PTBP3: variants seen among roughly 807,000 people sequenced by gnomAD.
The protein encoded by PTBP3 is polypyrimidine tract-binding protein 3.
PTBP3 carries 20 observed loss-of-function variants against 58.7 expected under a neutral mutation model. The ratio of observed to expected loss-of-function variants is 0.34; its 90% CI spans 0.24 to 0.50. PTBP3 has a LOEUF of 0.50. PTBP3 is among the 20% of genes least tolerant of loss of function. PTBP3 has a pLI of 0.98. For missense variants in PTBP3, 509 were observed against 637.2 expected (o/e 0.80, Z 2.17); for synonymous variants, 185 against 219.8 (o/e 0.84, Z 1.40).
chr9:112,355,141 A>G, the PTBP3 span, among the ~76,000 whole-genome samples: 3 of 152,206 alleles, frequency 2.0e-5, no homozygotes, highest in Non-Finnish European at 4.4e-5. Context: ...AATAATTCAG[A>G]CCTGAGAAAA....
At chr9:112,243,643 G>A (rs1199598787) in intron 7 of PTBP3, among the ~76,000 whole-genome samples, 3 of 152,154 alleles carry the variant, frequency 2.0e-5, no homozygotes, top group African/African-American at 7.2e-5. Context: ...GAATCCACGG[G>A]CAAATTACTG....
At chr9:112,264,814 A>G (rs540091213) in intron 4 of PTBP3, among the ~76,000 whole-genome samples, 14 of 152,316 alleles carry the variant, frequency 9.2e-5, no homozygotes, top group African/African-American at 3.4e-4. Flanking sequence ...TTGCCAAGCA[A>G]CTGGGATTTC....
intron 7 of PTBP3, among the ~76,000 whole-genome samples, chr9:112,240,584 C>G (rs144194984): frequency 2.7e-5 from 4 of 150,046 alleles, no homozygotes; most frequent in African/African-American, 9.8e-5. Context: ...ACATACTATA[C>G]TTTTATTATA....
At chr9:112,336,194 T>G (rs1265252650), upstream of PTBP3, among the ~76,000 whole-genome samples, 1 of 152,114 alleles carries the variant, frequency 6.6e-6, no homozygotes, top group Non-Finnish European at 1.5e-5. Flanking sequence ...ATTTCATAAT[T>G]TAACCTTTTC....
chr9:112,320,314 A>ATATATATTTTTTTT, intron 1 of PTBP3, among the ~76,000 whole-genome samples: 131 of 75,670 alleles, frequency 1.7e-3, no homozygotes, highest in Non-Finnish European at 2.6e-3. Flanking sequence ...ATATATATAT[A>ATATATATTTTTTTT]TTTTTTTTTA....
intron 12 of PTBP3, among the ~76,000 whole-genome samples, chr9:112,226,777 A>G (rs1353023784): frequency 6.6e-6 from 1 of 152,248 alleles, no homozygotes; most frequent in Non-Finnish European, 1.5e-5. Flanking sequence ...TGAATTTTAT[A>G]TAATTTTCTC....
intron 10 of PTBP3, among the ~76,000 whole-genome samples, chr9:112,229,118 A>T (rs1286621003): frequency 6.6e-6 from 1 of 152,184 alleles, no homozygotes; most frequent in Non-Finnish European, 1.5e-5. Context: ...AACCAATATT[A>T]AAAAACTACA....
intron 2 of PTBP3, 61 bp downstream of exon 2, chr9:112,297,771 T>C (rs150739046): frequency 3.4e-5 from 46 of 1,349,500 alleles, no homozygotes; most frequent in South Asian, 3.3e-4. Context: ...AATAAGAGCA[T>C]TGTAAAAAAA....
chr9:112,239,319 A>G (rs1322562418), intron 7 of PTBP3, among the ~76,000 whole-genome samples: 2 of 152,208 alleles, frequency 1.3e-5, no homozygotes, highest in African/African-American at 4.8e-5. Context: ...AGTAAACTGA[A>G]TAGGCATCCT....
chr9:112,307,159 ATATAAG>A (rs1182965386), intron 1 of PTBP3, among the ~76,000 whole-genome samples: 1 of 152,218 alleles, frequency 6.6e-6, no homozygotes, highest in African/African-American at 2.4e-5. Context: ...AACAATTAAA[ATATAAG>A]ATATTTGCCA....
the PTBP3 span, among the ~76,000 whole-genome samples, chr9:112,370,920 T>A: frequency 7.9e-4 from 120 of 152,202 alleles, no homozygotes; most frequent in African/African-American, 2.7e-3. Flanking sequence ...CCTTTTTGGA[T>A]TATTTATTAC....
the PTBP3 span, among the ~76,000 whole-genome samples, chr9:112,344,383 A>AG: frequency 2.0e-5 from 3 of 152,182 alleles, no homozygotes; most frequent in Non-Finnish European, 4.4e-5. Context: ...AGAATCCATT[A>AG]GTTATCACAA....
chr9:112,340,551 T>C, the PTBP3 span, among the ~76,000 whole-genome samples: 4 of 152,254 alleles, frequency 2.6e-5, no homozygotes, highest in Non-Finnish European at 5.9e-5. Flanking sequence ...GCCAGCTTTT[T>C]TAAAATGTCA....
intron 1 of PTBP3, among the ~76,000 whole-genome samples, chr9:112,323,327 C>G (rs1040770246): frequency 6.6e-6 from 1 of 152,146 alleles, no homozygotes. Flanking sequence ...GCCTCATTGC[C>G]CAATGCCTAT....
intron 2 of PTBP3, among the ~76,000 whole-genome samples, chr9:112,282,374 T>C (rs1225440837): frequency 6.6e-6 from 1 of 152,182 alleles, no homozygotes; most frequent in Non-Finnish European, 1.5e-5. Context: ...TGACTTTTGC[T>C]TTCATCTTTA....
At chr9:112,291,711 A>G (rs1331131600) in intron 2 of PTBP3, among the ~76,000 whole-genome samples, 1 of 152,222 alleles carries the variant, frequency 6.6e-6, no homozygotes, top group Non-Finnish European at 1.5e-5. Flanking sequence ...CATGAAAAAA[A>G]ATTAACTCAA....
chr9:112,219,598 T>C lies in PTBP3; in HGVS notation c.*4253A>G, dbSNP rs1834734429. The C allele has an allele frequency of 1.3e-5, 2 of 152,644 alleles. No individual in the cohort carries two copies. The highest frequency in any genetic ancestry group is 4.1e-4 in the South Asian group (2 of 4,836). 9.5% of individuals were successfully genotyped at this position (152,644 alleles called of 1,614,324 possible). A position where few individuals can be genotyped will look rare whatever the true frequency, so the allele number is the denominator to read the frequency against. ...CCTGCACAATGCTCTACAATGAATA[T>C]TATGTGATAAAGGCAAAAGTGTAAC... is the stretch of plus-strand genomic sequence containing the variant. On this transcript the variant is annotated 3_prime_UTR_variant, in exon 14 of 14. Coordinates refer to ENST00000374257, the MANE Select transcript of PTBP3 (RefSeq NM_001163788.4).
chr9:112,245,857 T>C (rs775371269), intron 7 of PTBP3, among the ~76,000 whole-genome samples: 5 of 152,114 alleles, frequency 3.3e-5, no homozygotes, highest in Non-Finnish European at 5.9e-5. Flanking sequence ...AATTATACCC[T>C]GTAGAATAAA....
At chr9:112,347,948 C>A in the PTBP3 span, among the ~76,000 whole-genome samples, 2 of 152,302 alleles carry the variant, frequency 1.3e-5, no homozygotes, top group African/African-American at 4.8e-5. Context: ...GTATTATGCA[C>A]ACACATATCC....
Sources: gnomAD v4.1 joint callset for allele counts (sites outside exome capture counted in the v4.1 genomes callset) on GRCh38, gnomAD v4.1.1 for gene constraint, MANE v1.5 for transcripts, NCBI Gene and HGNC (gene_info 2026-07-23, HGNC 2026-07-21) for gene names.